The following C3 variants were observed in gnomAD, a reference collection of about 807,000 sequenced individuals.
The protein encoded by C3 is complement C3, also known as C3 and PZP-like alpha-2-macroglobulin domain-containing protein 1.
Under a neutral mutation model 207.9 loss-of-function variants are expected in C3, and 97 were observed. The ratio of observed to expected loss-of-function variants is 0.47; its 90% CI spans 0.40 to 0.55. C3 has a LOEUF of 0.55. Among genes scored for constraint, C3 ranks in the 20% least tolerant of loss-of-function variants. The pLI, the probability that C3 is intolerant of heterozygous loss-of-function variation, is 0.00. For missense variants in C3, 1,684 were observed against 2,171.7 expected (o/e 0.78, Z 4.46); for synonymous variants, 848 against 857.6 (o/e 0.99, Z 0.20).
chr19:6,714,491 G>A (rs376279783), intron 4 of C3, 45 bp from the exon 5 acceptor site: 28 of 1,395,508 alleles, frequency 2.0e-5, no homozygotes, highest in South Asian at 9.3e-5. Context: ...GTGGCTCTTC[G>A]GAGGCTGGGC....
At position 6,713,289 on chromosome 19, in the gene C3, C is replaced by G. The variant is rs1258951351; in HGVS notation, c.903G>C (p.Val301=). Reference sequence around the variant, plus strand: ...CGTCCAGCAGTACCTTCCGGCTCAGCACAACCTCCCCCGAGCCATCCTCAA... The same window carrying G: ...CGTCCAGCAGTACCTTCCGGCTCAGGACAACCTCCCCCGAGCCATCCTCAA... ...IPIEDGSGEV[V]LSRKVLLDGV... The change falls in exon 9 of 41, where the codon GTG becomes GTC. Residue 301 remains valine, a synonymous_variant. Transcript: ENST00000245907. 1.9e-6 allele frequency: 3 copies of G among 1,613,622 alleles called. No individual in the cohort carries two copies. The highest frequency in any genetic ancestry group is 1.7e-6 in the Non-Finnish European group (2 of 1,180,008).
rs1477126736 is a variant in C3 at position 6,719,394 on chromosome 19, G to A, written c.84C>T (p.Ile28=). 3.1e-6 allele frequency: 5 copies of A among 1,613,932 alleles called. No homozygotes were observed. Among genetic ancestry groups the A allele is most frequent in the Non-Finnish European group, 4.2e-6 (5 of 1,179,912 alleles). The part of the protein sequence containing the change: ...PLALGSPMYS[I]ITPNILRLES... The stretch of plus-strand genomic sequence containing the variant: ...CCAGCCGCAAGATGTTGGGGGTGAT[G>A]ATAGAGTACCTGTCGGAGTGGGGCA... Residue 28 remains isoleucine, a synonymous_variant, in exon 2 of 41, where the codon ATC becomes ATT. Coordinates refer to ENST00000245907, the MANE Select transcript of C3 (RefSeq NM_000064.4). This position sits in a 1 kb window ranked among gnomAD's most constrained non-coding sequence, Gnocchi z 5.4.
intron 13 of C3, among the ~76,000 whole-genome samples, chr19:6,710,143 GGAGA>G (rs903898750): frequency 1.5e-5 from 2 of 137,738 alleles, no homozygotes; most frequent in African/African-American, 5.5e-5. Flanking sequence ...AGGGAAAGAG[GGAGA>G]GAAAGGGAGA....
In C3 at chr19:6,692,910, T is replaced by C. The variant is rs1241195142; in HGVS notation, c.3390+14A>G. On this transcript the variant is annotated intron_variant, in intron 26 of 40. Transcript: ENST00000245907. Reference sequence around the variant, plus strand: ...CCCCTCTCTTCCATTTTGCCCTAAATCCCAGCCTCTTACAATCATTTCTTG... The same window carrying C: ...CCCCTCTCTTCCATTTTGCCCTAAACCCCAGCCTCTTACAATCATTTCTTG... 7.4e-6 allele frequency: 12 copies of C among 1,613,452 alleles called. No individual in the cohort carries two copies. Among genetic ancestry groups the C allele is most frequent in the Admixed American group, 1.7e-5 (1 of 59,978 alleles).
intron 30 of C3, 50 bp from the exon 31 acceptor site, chr19:6,684,884 C>T (rs374878628): frequency 6.2e-7 from 1 of 1,609,866 alleles, no homozygotes; most frequent in Non-Finnish European, 8.5e-7. Context: ...AAGCCTTCTG[C>T]TGCCTGTGAT....
intron 26 of C3, 120 bp downstream of exon 26, chr19:6,692,804 C>G (rs771162326): frequency 7.8e-7 from 1 of 1,277,046 alleles, no homozygotes; most frequent in Non-Finnish European, 1.1e-6. Context: ...CACCCCCCAG[C>G]CCAATCTTTG....
chr19:6,684,471 G>A, intron 32 of C3, 32 bp from the exon 33 acceptor site: 1 of 1,597,894 alleles, frequency 6.3e-7, no homozygotes, highest in Non-Finnish European at 8.6e-7. Flanking sequence ...AGATGGGAGA[G>A]GGTATACCTG....
At chr19:6,714,303 C>T in intron 5 of C3, 49 bp downstream of exon 5, 1 of 1,602,324 alleles carries the variant, frequency 6.2e-7, no homozygotes, top group Non-Finnish European at 8.6e-7. Context: ...CCTGCTCCCT[C>T]TCCGGGGATA....
intron 25 of C3, 144 bp downstream of exon 25, chr19:6,693,268 T>C: frequency 9.4e-7 from 1 of 1,066,876 alleles, no homozygotes; most frequent in Non-Finnish European, 1.4e-6. Flanking sequence ...CGCCGGCCAC[T>C]CAGCCAGCGC....
In C3 at chr19:6,678,135, G is replaced by C; in HGVS notation, c.4850+17C>G. The C allele has an allele frequency of 6.2e-7, 1 of 1,614,202 alleles. No individual in the cohort carries two copies. The highest frequency in any genetic ancestry group is 1.3e-5 in the African/African-American group (1 of 75,070). ...GGCAGTCGGGCGGTCGCGCGCACGC[G>C]CAGGGAAAGCACTCACTTGGGCTTC... On this transcript the variant is annotated intron_variant, in intron 40 of 40. Coordinates refer to ENST00000245907, the MANE Select transcript of C3 (RefSeq NM_000064.4).
rs199928701 is a variant in C3, at chr19:6,704,920, G to A, written c.2245+2156C>T. ...CTCAAAAAAAAAAAAAAAAGTTTTC[G>A]TCCGTACAAAGTCTCACTACGCTGC... On this transcript the variant is annotated intron_variant, in intron 17 of 40. Coordinates refer to ENST00000245907, the MANE Select transcript of C3 (RefSeq NM_000064.4). Among the ~76,000 whole-genome samples, 151 of 150,604 alleles carry A rather than the reference G, an allele frequency of 1.0e-3. 1 individual carries two copies. The highest frequency in any genetic ancestry group is 4.8e-3 in the East Asian group (25 of 5,166).
chr19:6,717,574 GTGTGTGT>G (rs1375767443), intron 4 of C3: 1 of 176,368 alleles, frequency 5.7e-6, no homozygotes, highest in African/African-American at 2.9e-5. Context: ...GTTGTGTTTT[GTGTGTGT>G]TGTGTGTGTT....
In C3 at chr19:6,682,223, C is replaced by G; in HGVS notation, c.4179G>C (p.Arg1393=). 1 of 1,612,610 alleles carries G rather than the reference C, an allele frequency of 6.2e-7. No individual in the cohort carries two copies. Among genetic ancestry groups the G allele is most frequent in the Non-Finnish European group, 8.5e-7 (1 of 1,178,628 alleles). Residue 1393 remains arginine (R), a synonymous_variant, in exon 34 of 41, where the codon CGG becomes CGC. Coordinates refer to ENST00000245907, the MANE Select transcript of C3 (RefSeq NM_000064.4). ...TMILEICTRY[R]GDQDATMSIL... ...TAGACATAGTGGCATCCTGGTCTCCCCGGTACCTGGATAGTGCAGAAAGAA... is the reference window on the plus strand; with the variant it reads ...TAGACATAGTGGCATCCTGGTCTCCGCGGTACCTGGATAGTGCAGAAAGAA...
chr19:6,685,097 G>T lies in C3; in HGVS notation c.3860C>A (p.Pro1287His), dbSNP rs780373381. The T allele has an allele frequency of 6.2e-7, 1 of 1,614,090 alleles. No homozygotes were observed. The highest frequency in any genetic ancestry group is 2.2e-5 in the East Asian group (1 of 44,884). The change falls in exon 30 of 41, where the codon CCT becomes CAT. Residue 1287 changes from proline (P) to histidine (H), a missense_variant. By Grantham distance (77) the Pro-to-His change is moderately conservative (BLOSUM62 -2). Transcript: ENST00000245907. ...ATCAAGGTTCAGTTCCTGGTGGTCA[G>T]GGGCGTCCTTTTGGTATTGAGCCAA... The part of the protein sequence containing the change: ...QALAQYQKDA[P>H]DHQELNLDVS...
rs749153052 is a variant in C3 at position 6,719,332 on chromosome 19, G to A, written c.146C>T (p.Ala49Val). The change falls in exon 2 of 41, where the codon GCG (alanine) becomes GTG (valine). Residue 49 changes from alanine to valine, a missense_variant. Ala to Val is a moderately conservative substitution (Grantham distance 64). Around this residue, in one of 3 missense-constraint regions of C3, gnomAD observed 1,280 missense variants for 1,739.1 expected, o/e 0.74. Coordinates refer to ENST00000245907, the MANE Select transcript of C3 (RefSeq NM_000064.4). This position sits in a 1 kb window ranked among gnomAD's most constrained non-coding sequence, Gnocchi z 5.4. ...EETMVLEAHD[A>V]QGDVPVTVTV... ...AACAGTGACTGGAACATCCCCTTGC[G>A]CGTCGTGGGCCTCCAGCACCATGGT... 4 of 1,614,014 alleles carry A rather than the reference G, an allele frequency of 2.5e-6. No homozygotes were observed. The highest frequency in any genetic ancestry group is 3.4e-6 in the Non-Finnish European group (4 of 1,179,948).
intron 28 of C3, 170 bp downstream of exon 28, chr19:6,686,576 A>C (rs947244152): frequency 2.0e-5 from 16 of 818,738 alleles, no homozygotes; most frequent in South Asian, 2.8e-5. Context: ...CGTGCATCCC[A>C]GCTCAGCTCA....
chr19:6,680,987 C>T (rs1246566821), intron 35 of C3, among the ~76,000 whole-genome samples: 1 of 151,966 alleles, frequency 6.6e-6, no homozygotes. Context: ...TCGCTTGAGG[C>T]CAGTAGTTTG....
intron 23 of C3, 114 bp from the exon 24 acceptor site, chr19:6,694,748 C>T (rs546140720): frequency 4.2e-4 from 386 of 919,294 alleles, no homozygotes; most frequent in Non-Finnish European, 5.6e-4. Flanking sequence ...TAGGGACAGG[C>T]GAGGACTGGG....
At chr19:6,704,570 C>A (rs1042861423) in intron 17 of C3, among the ~76,000 whole-genome samples, 3 of 151,942 alleles carry the variant, frequency 2.0e-5, no homozygotes, top group African/African-American at 7.3e-5. Context: ...ACCAGCCTGG[C>A]CAACACGGTG....
Sources: allele counts gnomAD v4.1 joint callset (sites outside exome capture counted in the v4.1 genomes callset), GRCh38; gene constraint gnomAD v4.1.1; regional missense constraint gnomAD v4.1.1; non-coding constraint Gnocchi (gnomAD v3.1); transcripts MANE v1.5; gene names NCBI Gene and HGNC (gene_info 2026-07-23, HGNC 2026-07-21).